TECTB: variants seen among roughly 807,000 people sequenced by gnomAD.
TECTB encodes tectorin beta.
TECTB carries 45 observed loss-of-function variants against 43.3 expected under a neutral mutation model. The ratio of observed to expected loss-of-function variants is 1.04; its 90% CI spans 0.82 to 1.33. The LOEUF (loss-of-function observed/expected upper bound fraction) is 1.33. TECTB is among the 40% of genes most tolerant of loss of function. The probability of loss-of-function intolerance (pLI) is 0.00; values close to 1 mark genes in which losing one functional copy is unlikely to be tolerated. For missense variants in TECTB, 399 were observed against 404.7 expected (o/e 0.99, Z 0.12); for synonymous variants, 169 against 156.7 (o/e 1.08, Z -0.59).
chr10:112,302,595 G>A, intron 10 of TECTB: 1 of 353,944 alleles, frequency 2.8e-6, no homozygotes, highest in Non-Finnish European at 5.0e-6. Flanking sequence ...CTACATGGCT[G>A]TGGTATAGAT....
rs1379699172 is a variant in TECTB, at chr10:112,283,697, G to T, written c.-38G>T. On this transcript the variant is annotated 5_prime_UTR_variant, in exon 2 of 11. Transcript: ENST00000646139. ...AGGACCGTAAACATTTGGCCAGCTT[G>T]GTTTGGATACCTGGCAGAGACCAGG... is the stretch of plus-strand genomic sequence containing the variant. 8 of 1,606,674 alleles carry T rather than the reference G, an allele frequency of 5.0e-6. No individual in the cohort carries two copies. The highest frequency in any genetic ancestry group is 6.8e-6 in the Non-Finnish European group (8 of 1,174,116).
At position 112,298,188 on chromosome 10, in the gene TECTB, G is replaced by C; in HGVS notation, c.791G>C (p.Cys264Ser). 1 of 1,614,228 alleles carries C rather than the reference G, an allele frequency of 6.2e-7. No homozygotes were observed. The highest frequency in any genetic ancestry group is 8.5e-7 in the Non-Finnish European group (1 of 1,180,038). ...AAACTCTCCAAGGTGTGGTTACACT[G>C]TGAGACGTTCATCTGCGACAGTGAG... is the stretch of plus-strand genomic sequence containing the variant. ...IPKLSKVWLH[C>S]ETFICDSEKL... Residue 264 changes from cysteine (C) to serine (S), a missense_variant, in exon 8 of 11, where the codon TGT becomes TCT. Cys to Ser is a moderately radical substitution (Grantham distance 112, BLOSUM62 -1). Transcript: ENST00000646139.
chr10:112,298,311 C>A, intron 8 of TECTB, 80 bp downstream of exon 8: 1 of 1,525,384 alleles, frequency 6.6e-7, no homozygotes, highest in South Asian at 1.2e-5. Context: ...GTGGGGAGAT[C>A]ATAACCAGGC....
At chr10:112,294,742 G>C (rs1848530613) in intron 7 of TECTB, among the ~76,000 whole-genome samples, 2 of 152,148 alleles carry the variant, frequency 1.3e-5, no homozygotes, top group Non-Finnish European at 2.9e-5. Context: ...ATTGTGCAAG[G>C]GTGATAAGAC....
At position 112,284,597 on chromosome 10, in the gene TECTB, G is replaced by A; in HGVS notation, c.139G>A (p.Gly47Arg). 6.2e-7 allele frequency: 1 copy of A among 1,613,504 alleles called. No homozygotes were observed. Among genetic ancestry groups the A allele is most frequent in the Non-Finnish European group, 8.5e-7 (1 of 1,179,692 alleles). The change falls in exon 3 of 11, where the codon GGA (glycine) becomes AGA (arginine). Residue 47 changes from glycine (G) to arginine (R), a missense_variant. Gly to Arg is a moderately radical substitution (Grantham distance 125). Transcript: ENST00000646139. ...IITKIPECPY[G>R]WEVHQLALGG... ...CACCAAAATCCCCGAGTGTCCCTAT[G>A]GATGGGAAGTTCATCAGCTGGCCCT...
Position 112,304,545 on chromosome 10 carries a change from C to G in TECTB, c.*1233C>G, listed in dbSNP as rs569354394. 3 of 152,276 alleles carry G rather than the reference C, an allele frequency of 2.0e-5. No individual in the cohort carries two copies. In the South Asian group the frequency reaches 6.2e-4, roughly 32 times the overall value. The allele number at this position is 152,276 out of a possible 1,614,324, so 9.4% of individuals were successfully genotyped here. ...ATAGGAAAAGGCAGAGTTCTAAGTC[C>G]TTAGTTATGTAAAGACTTAATTAGT... is the stretch of plus-strand genomic sequence containing the variant. On this transcript the variant is annotated 3_prime_UTR_variant, in exon 11 of 11. Transcript: ENST00000646139.
intron 9 of TECTB, 132 bp downstream of exon 9, chr10:112,299,696 G>A (rs1052428188): frequency 2.2e-6 from 2 of 901,394 alleles, no homozygotes; most frequent in African/African-American, 1.7e-5. Context: ...ACCTTCACCT[G>A]CTCCTGGAGT....
At chr10:112,301,429 T>C (rs897191858) in intron 9 of TECTB, among the ~76,000 whole-genome samples, 2 of 151,518 alleles carry the variant, frequency 1.3e-5, no homozygotes, top group Non-Finnish European at 2.9e-5. Flanking sequence ...AAAAATTATA[T>C]GAAATTCAAA....
intron 5 of TECTB, among the ~76,000 whole-genome samples, chr10:112,293,379 A>T (rs1848516705): frequency 1.3e-5 from 2 of 152,212 alleles, no homozygotes; most frequent in Non-Finnish European, 2.9e-5. Flanking sequence ...CGGGTGTTGT[A>T]TGTGCTCAGT....
intron 7 of TECTB, among the ~76,000 whole-genome samples, chr10:112,294,446 C>G (rs1031103771): frequency 1.3e-5 from 2 of 152,048 alleles, no homozygotes; most frequent in Admixed American, 6.6e-5. Context: ...AGGCTGAATT[C>G]AAATCCAATT....
At chr10:112,284,752 T>TC in intron 3 of TECTB, 27 bp downstream of exon 3, 1 of 1,468,502 alleles carries the variant, frequency 6.8e-7, no homozygotes, top group South Asian at 1.5e-5. Flanking sequence ...CAGTGCAGAG[T>TC]TGTTTAAGGT....
In TECTB at chr10:112,303,663, A is replaced by G. The variant is rs1848630858; in HGVS notation, c.*351A>G. On this transcript the variant is annotated 3_prime_UTR_variant, in exon 11 of 11. Coordinates refer to ENST00000646139, the MANE Select transcript of TECTB (RefSeq NM_058222.3). ...AACCAAGTACTGCTGAGCATTTTGA[A>G]GAGAATGTAGGGTGCAACTACAAAG... 3.9e-6 allele frequency: 1 copy of G among 259,374 alleles called. No individual in the cohort carries two copies. The highest frequency in any genetic ancestry group is 4.7e-5 in the Admixed American group (1 of 21,186). 16.1% of individuals were successfully genotyped at this position (259,374 alleles called of 1,614,324 possible). A position where few individuals can be genotyped will look rare whatever the true frequency, so the allele number is the denominator to read the frequency against.
chr10:112,286,434 C>T, intron 5 of TECTB, 43 bp downstream of exon 5: 1 of 1,562,268 alleles, frequency 6.4e-7, no homozygotes, highest in Non-Finnish European at 8.8e-7. Context: ...GTGGCCTTTC[C>T]TTTCTAGGAG....
chr10:112,283,801 A>C lies in TECTB; in HGVS notation c.67A>C (p.Asn23His), dbSNP rs750844842. 2.5e-6 allele frequency: 4 copies of C among 1,613,846 alleles called. No individual in the cohort carries two copies. The South Asian group carries it at 4.4e-5, about 18-fold the overall frequency. ...AGCCTCTGCAAAATCGTGTGCTCCA[A>C]ATAAAGCAGGTATGTCCTCGCCAAG... Reference protein sequence around the residue: ...AEASAKSCAPNKADVILVFCY... With the variant: ...AEASAKSCAPHKADVILVFCY... Residue 23 changes from asparagine to histidine, a missense_variant, in exon 2 of 11, where the codon AAT becomes CAT. Coordinates refer to ENST00000646139, the MANE Select transcript of TECTB (RefSeq NM_058222.3).
intron 7 of TECTB, among the ~76,000 whole-genome samples, chr10:112,295,057 G>C (rs1197424897): frequency 6.6e-6 from 1 of 152,178 alleles, no homozygotes. Flanking sequence ...GAAGTACTTA[G>C]AATTGTACTA....
rs183558777 is a variant in TECTB at position 112,298,329 on chromosome 10, G to A, written c.834+98G>A. 5.5e-5 allele frequency: 80 copies of A among 1,464,634 alleles called. 1 individual carries two copies. In the East Asian group the frequency reaches 1.9e-3, roughly 34 times the overall value. 90.7% of individuals were successfully genotyped at this position (1,464,634 alleles called of 1,614,324 possible). The stretch of plus-strand genomic sequence containing the variant: ...GGGAGATCATAACCAGGCCAGGGCA[G>A]CTGTGTGCTGAGGACATCTGGAGGA... On this transcript the variant is annotated intron_variant, in intron 8 of 10. Coordinates refer to ENST00000646139, the MANE Select transcript of TECTB (RefSeq NM_058222.3).
intron 5 of TECTB, among the ~76,000 whole-genome samples, chr10:112,289,518 T>C (rs1457084533): frequency 3.3e-5 from 5 of 152,204 alleles, no homozygotes; most frequent in African/African-American, 1.2e-4. Context: ...GGCCTTCCCA[T>C]TTTAGATCAG....
At chr10:112,297,959 A>C in intron 7 of TECTB, 110 bp from the exon 8 acceptor site, 1 of 1,409,652 alleles carries the variant, frequency 7.1e-7, no homozygotes, top group Non-Finnish European at 9.9e-7. Context: ...ATGCCTGGGA[A>C]GGTTAGAGGT....
At chr10:112,284,366 A>G (rs375427246) in intron 2 of TECTB, among the ~76,000 whole-genome samples, 169 bp from the exon 3 acceptor site, 1 of 152,200 alleles carries the variant, frequency 6.6e-6, no homozygotes, top group East Asian at 1.9e-4. Context: ...TGACTCTTCA[A>G]TGACTGAAGT....
Sources: allele counts gnomAD v4.1 joint callset (sites outside exome capture counted in the v4.1 genomes callset), GRCh38; gene constraint gnomAD v4.1.1; transcripts MANE v1.5; gene names NCBI Gene and HGNC (gene_info 2026-07-23, HGNC 2026-07-21).